RPS19: variants seen among roughly 807,000 people sequenced by gnomAD.
RPS19 encodes the protein ribosomal protein S19.
A neutral mutation model predicts 20.3 loss-of-function variants in RPS19; 1 was observed. The ratio of observed to expected loss-of-function variants is 0.05; its 90% confidence interval spans 0.02 to 0.23. RPS19 has a LOEUF of 0.23. Ranked by LOEUF, RPS19 falls within the 10% of genes least tolerant of loss-of-function variation. RPS19 has a pLI of 1.00. For missense variants in RPS19, 111 were observed against 192.7 expected, an observed-to-expected ratio of 0.58 and a Z score of 2.51; for synonymous variants, 87 against 74.8, an observed-to-expected ratio of 1.16 and a Z score of -0.84.
At chr19:41,868,354 G>C (rs1464494555) in intron 3 of RPS19, among the ~76,000 whole-genome samples, 3 of 152,214 alleles carry the variant, frequency 2.0e-5, no homozygotes, top group African/African-American at 7.2e-5. Context: ...CACACCTGTT[G>C]AGTCCTCAGA....
At chr19:41,869,339 G>A (rs2074121936) in intron 4 of RPS19, 125 bp downstream of exon 4, 3 of 919,472 alleles carry the variant, frequency 3.3e-6, no homozygotes, top group Non-Finnish European at 5.0e-6. Flanking sequence ...GCAGGCAGGA[G>A]GGGATTCTGC....
chr19:41,860,739 C>T lies in RPS19; in HGVS notation c.1-36C>T, dbSNP rs782223889. 7 of 1,525,664 alleles carry T rather than the reference C, an allele frequency of 4.6e-6. No homozygotes were observed. The East Asian group carries it at 6.7e-5, about 15-fold the overall frequency. The allele number at this position is 1,525,664 out of a possible 1,614,324, so 94.5% of individuals were successfully genotyped here. On this transcript the variant is annotated intron_variant, in intron 1 of 5. Transcript: ENST00000598742. ...CCGTGCTCTTGGCAGTCGTCTCTGC[C>T]AGGCCTGTGTTCACATGCTTGACTT...
At chr19:41,869,409 A>G (rs1287346329) in intron 4 of RPS19, among the ~76,000 whole-genome samples, 195 bp downstream of exon 4, 1 of 152,236 alleles carries the variant, frequency 6.6e-6, no homozygotes, top group Non-Finnish European at 1.5e-5. Context: ...CCCAGGCTCC[A>G]GGAGGGTAAT....
chr19:41,861,340 C>T (rs1555839243), intron 3 of RPS19, 128 bp downstream of exon 3: 1 of 723,036 alleles, frequency 1.4e-6, no homozygotes, highest in Non-Finnish European at 2.5e-6. Context: ...TGTGTCACCA[C>T]TTGCTTTGTG....
chr19:41,861,380 A>G (rs1169878396), intron 3 of RPS19, 168 bp downstream of exon 3: 9 of 644,456 alleles, frequency 1.4e-5, no homozygotes, highest in Non-Finnish European at 2.3e-5. Context: ...TTGGTACTCC[A>G]AGTTTTTATG....
chr19:41,868,519 G>A (rs1266882742), intron 3 of RPS19, among the ~76,000 whole-genome samples: 1 of 152,184 alleles, frequency 6.6e-6, no homozygotes, highest in East Asian at 1.9e-4. Flanking sequence ...TGCAGGCAAG[G>A]AGGCTGGCTG....
At chr19:41,869,306 C>CA (rs2074121672) in intron 4 of RPS19, 92 bp downstream of exon 4, 1 of 1,159,992 alleles carries the variant, frequency 8.6e-7, no homozygotes, top group Non-Finnish European at 1.2e-6. Flanking sequence ...TCTGCCCAGC[C>CA]CCTCAGGCCC....
rs1555841573 is a variant in RPS19 at position 41,869,719 on chromosome 19, A to G, written c.377A>G (p.Gln126Arg). ...CACAGCGGCCGCAAACTGACACCTCAGGGACAAAGAGATCTGGACAGAATC... is the reference window on the plus strand; with the variant it reads ...CACAGCGGCCGCAAACTGACACCTCGGGGACAAAGAGATCTGGACAGAATC... ...DQDGGRKLTPQGQRDLDRIAG... is the reference protein window; with the variant it reads ...DQDGGRKLTPRGQRDLDRIAG... The change falls in exon 5 of 6, where the codon CAG becomes CGG. Residue 126 changes from glutamine (Q) to arginine (R), a missense_variant. Physicochemically the swap from Gln to Arg is conservative, Grantham distance 43. Transcript: ENST00000598742. 2 of 1,614,144 alleles carry G rather than the reference A, an allele frequency of 1.2e-6. No homozygotes were observed. Among genetic ancestry groups the G allele is most frequent in the Non-Finnish European group, 1.7e-6 (2 of 1,180,014 alleles).
intron 2 of RPS19, 94 bp downstream of exon 2, chr19:41,860,939 G>T (rs1188758750): frequency 8.0e-7 from 1 of 1,249,048 alleles, no homozygotes; most frequent in Non-Finnish European, 1.2e-6. Context: ...GGCAGGCGAG[G>T]CTTGTTTGGG....
rs1555842038 is a variant in RPS19, at chr19:41,871,527, C to A, written c.*150C>A. On this transcript the variant is annotated 3_prime_UTR_variant, in exon 6 of 6. Coordinates refer to ENST00000598742, the MANE Select transcript of RPS19 (RefSeq NM_001022.4). ...CGCCTTCTGGGTTCAAATGATTCTC[C>A]TGCCTCAGCCTCCCAAAGTGCTGGG... is the stretch of plus-strand genomic sequence containing the variant. 1.4e-6 allele frequency: 1 copy of A among 705,262 alleles called. No homozygotes were observed. Among genetic ancestry groups the A allele is most frequent in the East Asian group, 2.8e-5 (1 of 35,540 alleles). 43.7% of individuals were successfully genotyped at this position (705,262 alleles called of 1,614,324 possible). A position where few individuals can be genotyped will look rare whatever the true frequency, so the allele number is the denominator to read the frequency against.
At chr19:41,865,950 A>T (rs1467853439) in intron 3 of RPS19, among the ~76,000 whole-genome samples, 34 of 34,100 alleles carry the variant, frequency 1.0e-3, no homozygotes, top group African/African-American at 2.1e-3. Context: ...CTCCGTCTTT[A>T]AAAAAAAAAA....
Position 41,869,014 on chromosome 19 carries a change from T to C in RPS19, c.173-17T>C. Reference sequence around the variant, plus strand: ...CTTGATCAAGACCCTTAAATCTCCCTCTCACACTACCCCCAGCTTCCACAG... The same window carrying C: ...CTTGATCAAGACCCTTAAATCTCCCCCTCACACTACCCCCAGCTTCCACAG... On this transcript the variant is annotated splice_polypyrimidine_tract_variant and intron_variant, in intron 3 of 5. Coordinates refer to ENST00000598742, the MANE Select transcript of RPS19 (RefSeq NM_001022.4). The C allele has an allele frequency of 6.2e-7, 1 of 1,613,170 alleles. No homozygotes were observed.
At chr19:41,867,980 G>A (rs1235247592) in intron 3 of RPS19, among the ~76,000 whole-genome samples, 3 of 152,150 alleles carry the variant, frequency 2.0e-5, no homozygotes, top group Non-Finnish European at 2.9e-5. Context: ...GGGAACAAGC[G>A]GTGTGTAAGA....
At chr19:41,866,535 G>C (rs953290543) in intron 3 of RPS19, among the ~76,000 whole-genome samples, 6 of 152,176 alleles carry the variant, frequency 3.9e-5, no homozygotes, top group African/African-American at 1.4e-4. Context: ...AGTGGCGTAG[G>C]GGGTAGGGCC....
chr19:41,869,222 G>T lies in RPS19; in HGVS notation c.356+8G>T. 6.2e-7 allele frequency: 1 copy of T among 1,611,852 alleles called. No individual in the cohort carries two copies. The highest frequency in any genetic ancestry group is 2.2e-5 in the East Asian group (1 of 44,832). Reference sequence around the variant, plus strand: ...GGAAAAGGACCAAGATGGGTAAGCAGGGTAGAGGGGGCTGCATTGATGGAG... The same window carrying T: ...GGAAAAGGACCAAGATGGGTAAGCATGGTAGAGGGGGCTGCATTGATGGAG... On this transcript the variant is annotated splice_region_variant and intron_variant, in intron 4 of 5. Coordinates refer to ENST00000598742, the MANE Select transcript of RPS19 (RefSeq NM_001022.4).
At chr19:41,860,543 G>A (rs2074016881) in intron 1 of RPS19, 1 of 578,158 alleles carries the variant, frequency 1.7e-6, no homozygotes, top group Non-Finnish European at 3.1e-6. Flanking sequence ...GGTCGCGCAG[G>A]ATCCTCACAC....
Position 41,871,253 on chromosome 19 carries a change from C to A in RPS19, c.412-98C>A, listed in dbSNP as rs1002918473. 3.0e-6 allele frequency: 3 copies of A among 985,436 alleles called. No homozygotes were observed. In the African/African-American group the frequency reaches 4.8e-5, roughly 16 times the overall value. 61.0% of individuals were successfully genotyped at this position (985,436 alleles called of 1,614,324 possible). The stretch of plus-strand genomic sequence containing the variant: ...GATAGATGCATTTGAAACCACAAAT[C>A]GGGGTGCCCACCTGTGGTGGGTAGT... On this transcript the variant is annotated intron_variant, in intron 5 of 5. Coordinates refer to ENST00000598742, the MANE Select transcript of RPS19 (RefSeq NM_001022.4).
In RPS19 at chr19:41,871,626, C is replaced by T. The variant is rs1021663346; in HGVS notation, c.*249C>T. The stretch of plus-strand genomic sequence containing the variant: ...GTTCTTCAGGGGCATGAGGAAGAGG[C>T]GCTTCCTCCCTTCCCTTGGGTGAGG... On this transcript the variant is annotated 3_prime_UTR_variant, in exon 6 of 6. Coordinates refer to ENST00000598742, the MANE Select transcript of RPS19 (RefSeq NM_001022.4). The T allele has an allele frequency of 8.8e-5, 44 of 500,984 alleles. No homozygotes were observed. The highest frequency in any genetic ancestry group is 1.2e-4 in the Non-Finnish European group (34 of 276,842). The allele number at this position is 500,984 out of a possible 1,614,324, so 31.0% of individuals were successfully genotyped here.
chr19:41,871,443 C>G lies in RPS19; in HGVS notation c.*66C>G. ...CCTGGTCTGGGTCTCTTTTTTGAGT[C>G]TCTTGCTCTGTCGCCCAGGCTGGAG... On this transcript the variant is annotated 3_prime_UTR_variant, in exon 6 of 6. Coordinates refer to ENST00000598742, the MANE Select transcript of RPS19 (RefSeq NM_001022.4). The G allele has an allele frequency of 7.0e-7, 1 of 1,432,604 alleles. No individual in the cohort carries two copies. The highest frequency in any genetic ancestry group is 9.8e-7 in the Non-Finnish European group (1 of 1,018,924). 88.7% of individuals were successfully genotyped at this position (1,432,604 alleles called of 1,614,324 possible).
Sources: gnomAD v4.1 joint callset for allele counts (sites outside exome capture counted in the v4.1 genomes callset) on GRCh38, gnomAD v4.1.1 for gene constraint, MANE v1.5 for transcripts, NCBI Gene and HGNC (gene_info 2026-07-23, HGNC 2026-07-21) for gene names.